XCR1: variants seen among roughly 807,000 people sequenced by gnomAD.
The protein encoded by XCR1 is X-C motif chemokine receptor 1, also known as chemokine XC receptor 1.
For synonymous variants in XCR1, 187 were observed against 188.5 expected, an observed-to-expected ratio of 0.99 and a Z score of 0.06; for missense variants, 356 against 424.2, an observed-to-expected ratio of 0.84 and a Z score of 1.41.
At position 46,073,906 on chromosome 3, in the gene XCR1, T is replaced by TA. The variant is rs547551677; in HGVS notation, c.-263+744dup. ...ATCTTACACCAATCAGAATGGCAAT[T>TA]AAAAAAAAAAAACCCAACAGATACT... On this transcript the variant is annotated intron_variant, in intron 3 of 5. Transcript: ENST00000683768. Among the ~76,000 whole-genome samples the TA allele has an allele frequency of 3.8e-3, 537 of 142,846 alleles. 6 individuals carry two copies. Among genetic ancestry groups the TA allele is most frequent in the African/African-American group, 0.011 (446 of 39,104 alleles). The allele number at this position is 142,846 out of a possible 152,430, so 93.7% of individuals were successfully genotyped here. A position where few individuals can be genotyped will look rare whatever the true frequency, so the allele number is the denominator to read the frequency against.
upstream of XCR1, among the ~76,000 whole-genome samples, chr3:46,028,199 G>T (rs1311091747): frequency 6.6e-6 from 1 of 151,912 alleles, no homozygotes. Context: ...ATTTTTCTTG[G>T]TCGTGGGACA....
intron 5 of XCR1, among the ~76,000 whole-genome samples, chr3:46,035,712 C>T (rs1697417787): frequency 6.6e-6 from 1 of 152,184 alleles, no homozygotes; most frequent in Non-Finnish European, 1.5e-5. Context: ...TGGGCCCAGA[C>T]AGCAGGAGAT....
rs1214312335 is a variant in XCR1, at chr3:46,021,953, C to T, written c.-6G>A. 3.7e-6 allele frequency: 6 copies of T among 1,603,952 alleles called. No individual in the cohort carries two copies. The highest frequency in any genetic ancestry group is 2.2e-5 in the East Asian group (1 of 44,822). Reference sequence around the variant, plus strand: ...GGGTTGCCTGAGGACTCCATCTGGACCAGATGGCAGGGACGTTTAGAGCAT... The same window carrying T: ...GGGTTGCCTGAGGACTCCATCTGGATCAGATGGCAGGGACGTTTAGAGCAT... On this transcript the variant is annotated 5_prime_UTR_variant, in exon 2 of 2. Transcript: ENST00000309285. The surrounding 1 kb of genome is among the most constrained non-coding windows in gnomAD (Gnocchi z 4.7).
At chr3:46,043,163 A>G (rs989775866) in intron 5 of XCR1, among the ~76,000 whole-genome samples, 1 of 152,202 alleles carries the variant, frequency 6.6e-6, no homozygotes, top group Non-Finnish European at 1.5e-5. Flanking sequence ...CACCAGGGCC[A>G]GGTGTGGTGG....
intron 4 of XCR1, among the ~76,000 whole-genome samples, chr3:46,065,138 C>T (rs1698042978): frequency 6.6e-6 from 1 of 152,052 alleles, no homozygotes; most frequent in Non-Finnish European, 1.5e-5. Flanking sequence ...TAGAGTTACC[C>T]AGCCAAGCTC....
rs201872958 is a variant in XCR1 at position 46,041,532 on chromosome 3, C to A, written c.-32+12388G>T. On this transcript the variant is annotated intron_variant, in intron 5 of 5. Coordinates refer to the XCR1 transcript ENST00000683768. The stretch of plus-strand genomic sequence containing the variant: ...GCCACCCATGGTATAGACCTTCCCA[C>A]GAAGCCCCTCCTTAGCATGAAGCAG... Among the ~76,000 whole-genome samples, 3 of 152,286 alleles carry A rather than the reference C, an allele frequency of 2.0e-5. No homozygotes were observed. The East Asian group carries it at 5.8e-4, about 29-fold the overall frequency.
rs142874633 is a variant in XCR1 at position 46,083,400 on chromosome 3, C to A, written c.-515+2394G>T. Among the ~76,000 whole-genome samples, 72 of 152,332 alleles carry A rather than the reference C, an allele frequency of 4.7e-4. No individual in the cohort carries two copies. The Middle Eastern group carries it at 0.01, about 22-fold the overall frequency. ...TTAGGATATTTCGTTACCCTTCTCT[C>A]TATATACAGCTCTGAAGAAACTCAG... On this transcript the variant is annotated intron_variant, in intron 1 of 5. Coordinates refer to the XCR1 transcript ENST00000683768.
rs992839541 is a variant in XCR1, at chr3:46,018,646, T to C, written c.*2300A>G. 2 of 152,190 alleles carry C rather than the reference T, an allele frequency of 1.3e-5. No homozygotes were observed. The highest frequency in any genetic ancestry group is 2.9e-5 in the Non-Finnish European group (2 of 68,052). 9.4% of individuals were successfully genotyped at this position (152,190 alleles called of 1,614,324 possible). ...CCCTGTCCAGCAGGTGCTACTGGCCTCATTATTAAAACTAGGCCCTGGCTC... is the reference window on the plus strand; with the variant it reads ...CCCTGTCCAGCAGGTGCTACTGGCCCCATTATTAAAACTAGGCCCTGGCTC... On this transcript the variant is annotated 3_prime_UTR_variant, in exon 2 of 2. Transcript: ENST00000309285.
upstream of XCR1, among the ~76,000 whole-genome samples, chr3:46,028,218 G>T (rs572332118): frequency 3.3e-5 from 5 of 152,020 alleles, no homozygotes; most frequent in Non-Finnish European, 7.4e-5. Context: ...CAAGAACTTG[G>T]AGCTCACCAG....
intron 5 of XCR1, among the ~76,000 whole-genome samples, chr3:46,043,719 C>CAA (rs1553632962): frequency 4.3e-5 from 2 of 46,764 alleles, no homozygotes; most frequent in Non-Finnish European, 7.6e-5. Context: ...CTCATCTCTA[C>CAA]ACACACACAC....
intron 1 of XCR1, among the ~76,000 whole-genome samples, chr3:46,026,646 G>A (rs1708293617): frequency 6.7e-6 from 1 of 148,902 alleles, no homozygotes; most frequent in Admixed American, 6.7e-5. Flanking sequence ...GCAGTGGTGT[G>A]ATCTTGGCTC....
intron 5 of XCR1, among the ~76,000 whole-genome samples, chr3:46,046,357 C>T (rs1004347270): frequency 2.6e-5 from 4 of 152,126 alleles, no homozygotes; most frequent in South Asian, 4.1e-4. Flanking sequence ...GTCGGCTGCT[C>T]GGTCCAGAGT....
chr3:46,058,911 G>T (rs1697908412), intron 4 of XCR1, among the ~76,000 whole-genome samples: 1 of 152,080 alleles, frequency 6.6e-6, no homozygotes, highest in Non-Finnish European at 1.5e-5. Flanking sequence ...GGAAGTAATG[G>T]GCTCTTCAAA....
Position 46,045,078 on chromosome 3 carries a change from T to G in XCR1, c.-32+8842A>C, listed in dbSNP as rs1697600244. 2.0e-5 allele frequency among the ~76,000 whole-genome samples: 3 copies of G among 152,236 alleles called. No homozygotes were observed. In the South Asian group the frequency reaches 6.2e-4, roughly 32 times the overall value. On this transcript the variant is annotated intron_variant, in intron 5 of 5. Coordinates refer to the XCR1 transcript ENST00000683768. ...TACAAACCAGTATCTCTCATAAACA[T>G]AGACGCAAAAAGCCTCAAAAATATT...
intron 5 of XCR1, among the ~76,000 whole-genome samples, chr3:46,033,921 C>T (rs1251963244): frequency 2.0e-5 from 3 of 151,710 alleles, no homozygotes; most frequent in Admixed American, 1.3e-4. Flanking sequence ...TTTTTTGGTG[C>T]TAATGTAAAT....
chr3:46,019,933 A>G lies in XCR1; in HGVS notation c.*1013T>C, dbSNP rs1708108430. 1 of 152,116 alleles carries G rather than the reference A, an allele frequency of 6.6e-6. No individual in the cohort carries two copies. The highest frequency in any genetic ancestry group is 6.5e-5 in the Admixed American group (1 of 15,274). The allele number at this position is 152,116 out of a possible 1,614,324, so 9.4% of individuals were successfully genotyped here. On this transcript the variant is annotated 3_prime_UTR_variant, in exon 2 of 2. Transcript: ENST00000309285. ...GAGTCAACTCTGAAAGCCACTAGAC[A>G]GGCATAGTCATTTGGACCTGGCTGT... is the stretch of plus-strand genomic sequence containing the variant.
At chr3:46,063,304 T>C (rs549278225) in intron 4 of XCR1, among the ~76,000 whole-genome samples, 4 of 152,268 alleles carry the variant, frequency 2.6e-5, no homozygotes, top group East Asian at 3.9e-4. Context: ...CCTGAGCACA[T>C]AGGAGAAAGA....
chr3:46,076,298 A>G (rs374351445), intron 2 of XCR1, among the ~76,000 whole-genome samples: 1 of 152,172 alleles, frequency 6.6e-6, no homozygotes, highest in South Asian at 2.1e-4. Flanking sequence ...AGCTCTGGGA[A>G]CCCCTTGTAT....
At chr3:46,052,937 T>A (rs1697776307) in intron 5 of XCR1, among the ~76,000 whole-genome samples, 1 of 152,212 alleles carries the variant, frequency 6.6e-6, no homozygotes, top group South Asian at 2.1e-4. Context: ...TTTAGTGGCC[T>A]GTGTGCACTG....
Sources: gnomAD v4.1 joint callset for allele counts (sites outside exome capture counted in the v4.1 genomes callset) on GRCh38, gnomAD v4.1.1 for gene constraint, Gnocchi (gnomAD v3.1) non-coding constraint, MANE v1.5 for transcripts, NCBI Gene and HGNC (gene_info 2026-07-23, HGNC 2026-07-21) for gene names.